TSGA10: variants seen among roughly 807,000 people sequenced by gnomAD.
TSGA10 encodes testis-specific gene 10 protein.
Under a neutral mutation model 96.6 loss-of-function variants are expected in TSGA10, and 43 were observed. The ratio of observed to expected loss-of-function variants is 0.44; its 90% CI spans 0.35 to 0.57. The LOEUF is 0.57. Ranked by LOEUF, TSGA10 falls within the 20% of genes least tolerant of loss-of-function variation. TSGA10 has a pLI of 0.01. For synonymous variants in TSGA10, 229 were observed against 269.9 expected (o/e 0.85, Z 1.48); for missense variants, 703 against 834.4 (o/e 0.84, Z 1.94).
chr2:99,154,633 G>A (rs1321133444), intron 1 of TSGA10, 60 bp downstream of exon 1: 1 of 185,324 alleles, frequency 5.4e-6, no homozygotes, highest in East Asian at 1.6e-4. Flanking sequence ...GCTTCTGGGG[G>A]CTCCCCCTAA....
chr2:99,005,330 T>C (rs771640518), intron 20 of TSGA10, among the ~76,000 whole-genome samples: 10 of 152,112 alleles, frequency 6.6e-5, no homozygotes, highest in African/African-American at 1.4e-4. Flanking sequence ...GGTATTCAAA[T>C]AGGAAAAGAG....
intron 10 of TSGA10, among the ~76,000 whole-genome samples, chr2:99,087,361 C>A (rs765986613): frequency 6.6e-5 from 10 of 151,782 alleles, no homozygotes; most frequent in Non-Finnish European, 1.2e-4. Flanking sequence ...ACAAAATTAG[C>A]CTGGTGTAGT....
chr2:99,138,461 A>G (rs2093411749), intron 1 of TSGA10, among the ~76,000 whole-genome samples: 1 of 152,264 alleles, frequency 6.6e-6, no homozygotes, highest in Non-Finnish European at 1.5e-5. Flanking sequence ...GCCCAGCACA[A>G]AGGTGAAACG....
At chr2:99,025,429 C>G (rs1391404037) in intron 17 of TSGA10, among the ~76,000 whole-genome samples, 1 of 152,188 alleles carries the variant, frequency 6.6e-6, no homozygotes, top group East Asian at 1.9e-4. Flanking sequence ...TCATGATATT[C>G]CCCTATGATA....
chr2:99,021,025 G>C (rs141267727), intron 17 of TSGA10, among the ~76,000 whole-genome samples: 1,612 of 150,930 alleles, frequency 0.011, 9 homozygotes, highest in Middle Eastern at 0.028. Context: ...CTTGTGGAAA[G>C]CTTCCTTTAG....
intron 20 of TSGA10, among the ~76,000 whole-genome samples, chr2:99,011,165 A>G (rs2078968154): frequency 6.6e-6 from 1 of 152,102 alleles, no homozygotes; most frequent in Non-Finnish European, 1.5e-5. Context: ...ACTGGTATCC[A>G]TGCTGTTGCC....
chr2:99,104,478 A>ATT (rs764853422), intron 9 of TSGA10, among the ~76,000 whole-genome samples: 3 of 146,414 alleles, frequency 2.0e-5, no homozygotes, highest in South Asian at 2.2e-4. Flanking sequence ...CTGTCTAGTA[A>ATT]TTTTTTTTTT....
In TSGA10 at chr2:99,105,371, A is replaced by G; in HGVS notation, c.447T>C (p.Cys149=). 1 of 1,609,670 alleles carries G rather than the reference A, an allele frequency of 6.2e-7. No individual in the cohort carries two copies. Among genetic ancestry groups the G allele is most frequent in the Non-Finnish European group, 8.5e-7 (1 of 1,178,388 alleles). Residue 149 remains cysteine (C), a synonymous_variant, in exon 9 of 21, where the codon TGT becomes TGC. Transcript: ENST00000393483. ...TTTTTTTTTTTACATTATGAACTGT[A>G]CACTCCAGCTCCTCTATCCTTTGTT... ...HLEQRIEELE[C]TVHNLDDERM... is the part of the protein sequence containing the mutation.
intron 12 of TSGA10, among the ~76,000 whole-genome samples, chr2:99,074,966 A>G (rs2086515482): frequency 6.6e-6 from 1 of 152,128 alleles, no homozygotes; most frequent in African/African-American, 2.4e-5. Context: ...AAAAAAAAAA[A>G]AGTCCTTTCT....
At chr2:99,014,477 G>A (rs2079313159) in intron 20 of TSGA10, among the ~76,000 whole-genome samples, 1 of 151,998 alleles carries the variant, frequency 6.6e-6, no homozygotes, top group South Asian at 2.1e-4. Flanking sequence ...AAAACATCTG[G>A]GATACACCAA....
At chr2:99,002,401 G>T (rs1229824249) in intron 20 of TSGA10, among the ~76,000 whole-genome samples, 1 of 152,164 alleles carries the variant, frequency 6.6e-6, no homozygotes, top group Admixed American at 6.5e-5. Flanking sequence ...CGTAAGTGAA[G>T]GAGAAATAAA....
chr2:99,068,721 T>C (rs1429322946), intron 15 of TSGA10, among the ~76,000 whole-genome samples, 167 bp downstream of exon 15: 1 of 152,200 alleles, frequency 6.6e-6, no homozygotes, highest in Non-Finnish European at 1.5e-5. Flanking sequence ...TCTCCAGGCA[T>C]CTTTCTGAAC....
rs750042796 is a variant in TSGA10, at chr2:99,105,341, C to CTTTT, written c.459+14_459+17dup. The CTTTT allele has an allele frequency of 2.7e-6, 4 of 1,460,916 alleles. No individual in the cohort carries two copies. Among genetic ancestry groups the CTTTT allele is most frequent in the Non-Finnish European group, 3.7e-6 (4 of 1,082,958 alleles). 90.5% of individuals were successfully genotyped at this position (1,460,916 alleles called of 1,614,324 possible). On this transcript the variant is annotated intron_variant, in intron 9 of 20. Transcript: ENST00000393483. The stretch of plus-strand genomic sequence containing the variant: ...GTGTTTATAGCCAAAAGAGACTTTT[C>CTTTT]TTTTTTTTTTTTTTTACATTATGAA...
At chr2:99,108,640 G>A (rs114400126) in intron 7 of TSGA10, among the ~76,000 whole-genome samples, 193 bp downstream of exon 7, 3,862 of 152,078 alleles carry the variant, frequency 0.025, 73 homozygotes, top group Non-Finnish European at 0.038. Flanking sequence ...GATAACATAC[G>A]TGTGTACTCA....
At chr2:99,066,320 T>C (rs935749161) in intron 15 of TSGA10, among the ~76,000 whole-genome samples, 1 of 152,190 alleles carries the variant, frequency 6.6e-6, no homozygotes, top group African/African-American at 2.4e-5. Context: ...TGATATGTGT[T>C]TTCCATGATT....
chr2:99,073,658 G>A lies in TSGA10; in HGVS notation c.883-585C>T, dbSNP rs570148767. On this transcript the variant is annotated intron_variant, in intron 12 of 20. Transcript: ENST00000393483. ...AATAAGAAGGTAAGCATTAGGCCTC[G>A]AGCAAAGGTAAGAGAAATAAACTAT... Among the ~76,000 whole-genome samples, 311 of 152,252 alleles carry A rather than the reference G, an allele frequency of 2.0e-3. 3 individuals are homozygous for A. Among genetic ancestry groups the A allele is most frequent in the African/African-American group, 7.2e-3 (300 of 41,544 alleles).
chr2:99,002,898 C>T (rs574047133), intron 20 of TSGA10, among the ~76,000 whole-genome samples: 22 of 151,298 alleles, frequency 1.5e-4, no homozygotes, highest in African/African-American at 4.4e-4. Flanking sequence ...CTCACTCTGT[C>T]GCCCAGGCTG....
At chr2:99,005,380 T>C (rs571935141) in intron 20 of TSGA10, among the ~76,000 whole-genome samples, 4 of 152,318 alleles carry the variant, frequency 2.6e-5, no homozygotes, top group African/African-American at 9.6e-5. Context: ...CATGATTGTA[T>C]ATCTAGAAAA....
chr2:99,049,261 C>T (rs2083135110), intron 16 of TSGA10, among the ~76,000 whole-genome samples: 1 of 152,150 alleles, frequency 6.6e-6, no homozygotes, highest in African/African-American at 2.4e-5. Flanking sequence ...AATCATGCTA[C>T]TATAAAGGCA....
Sources: gnomAD v4.1 joint callset for allele counts (sites outside exome capture counted in the v4.1 genomes callset) on GRCh38, gnomAD v4.1.1 for gene constraint, MANE v1.5 for transcripts, NCBI Gene and HGNC (gene_info 2026-07-23, HGNC 2026-07-21) for gene names.